The following PDCD7 variants were observed in gnomAD, a reference collection of about 807,000 sequenced individuals.
PDCD7 encodes programmed cell death 7.
Under a neutral mutation model 42.1 loss-of-function variants are expected in PDCD7, and 40 were observed. That is an observed-to-expected ratio of 0.95 (90% CI 0.74 to 1.24). The LOEUF (loss-of-function observed/expected upper bound fraction) is 1.24. PDCD7 is among the 50% of genes most tolerant of loss of function. The pLI, the probability that PDCD7 is intolerant of heterozygous loss-of-function variation, is 0.00. For synonymous variants in PDCD7, 299 were observed against 303.3 expected (o/e 0.99, Z 0.15); for missense variants, 644 against 662.8 (o/e 0.97, Z 0.31).
chr15:65,122,240 C>G lies in PDCD7; in HGVS notation c.1010-2286G>C, dbSNP rs539730671. Among the ~76,000 whole-genome samples, 223 of 152,108 alleles carry G rather than the reference C, an allele frequency of 1.5e-3. 6 individuals carry two copies. Among genetic ancestry groups the G allele is most frequent in the Admixed American group, 0.014 (219 of 15,278 alleles). ...AGTTCCAACTACTCAGGAGGCTAAG[C>G]CAGGAGAATCGCTTGAACCCAGGAG... On this transcript the variant is annotated intron_variant, in intron 2 of 4. Transcript: ENST00000204549.
At chr15:65,132,890 C>G in intron 1 of PDCD7, 22 bp downstream of exon 1, 1 of 1,600,770 alleles carries the variant, frequency 6.2e-7, no homozygotes, top group Non-Finnish European at 8.5e-7. Flanking sequence ...CTCCTACCCC[C>G]ATGAGCGGCC....
rs559070758 is a variant in PDCD7 at position 65,120,223 on chromosome 15, G to A, written c.1010-269C>T. ...GGCTGGAGTGCGGCAGCATGACCAC[G>A]ACTCACTGCAGCCTCGACCTCCTGG... On this transcript the variant is annotated intron_variant, in intron 2 of 4. Coordinates refer to ENST00000204549, the MANE Select transcript of PDCD7 (RefSeq NM_005707.2). 1.1e-4 allele frequency among the ~76,000 whole-genome samples: 16 copies of A among 151,886 alleles called. No individual in the cohort carries two copies. The East Asian group carries it at 2.7e-3, about 26-fold the overall frequency.
intron 2 of PDCD7, among the ~76,000 whole-genome samples, chr15:65,128,038 A>G (rs757767518): frequency 6.6e-6 from 1 of 152,256 alleles, no homozygotes; most frequent in Non-Finnish European, 1.5e-5. Flanking sequence ...TCACTTAGCT[A>G]GCAAACGAGC....
chr15:65,125,689 C>A (rs2087490094), intron 2 of PDCD7, among the ~76,000 whole-genome samples: 1 of 152,124 alleles, frequency 6.6e-6, no homozygotes, highest in African/African-American at 2.4e-5. Flanking sequence ...TTAATTTAAT[C>A]CTCACGACAC....
intron 1 of PDCD7, among the ~76,000 whole-genome samples, chr15:65,131,487 G>A (rs186889803): frequency 1.3e-5 from 2 of 152,266 alleles, no homozygotes; most frequent in Admixed American, 6.5e-5. Context: ...AGTGGCTCAC[G>A]CCTGTAATCC....
chr15:65,119,784 T>G lies in PDCD7; in HGVS notation c.1180A>C (p.Arg394=). Residue 394 remains arginine, a synonymous_variant, in exon 3 of 5, where the codon AGA becomes CGA. Coordinates refer to ENST00000204549, the MANE Select transcript of PDCD7 (RefSeq NM_005707.2). ...AGTAAAATTTTCTCTTTTTCTTTTC[T>G]TTGTTTCTTTTCTAATTCTCTTTTC... ...ERKRELEKKQ[R]KEKEKILLQK... is the part of the protein sequence containing the mutation. 1.2e-6 allele frequency: 2 copies of G among 1,612,440 alleles called. No individual in the cohort carries two copies. The highest frequency in any genetic ancestry group is 1.7e-4 in the Middle Eastern group (1 of 6,054).
At chr15:65,124,232 A>AC (rs1566972025) in intron 2 of PDCD7, among the ~76,000 whole-genome samples, 1 of 151,680 alleles carries the variant, frequency 6.6e-6, no homozygotes, top group Non-Finnish European at 1.5e-5. Flanking sequence ...GACCAGCCTG[A>AC]CCAACGTGGT....
Position 65,133,224 on chromosome 15 carries a change from C to G in PDCD7, c.558G>C (p.Arg186=). Residue 186 remains arginine (R), a synonymous_variant, in exon 1 of 5, where the codon CGG becomes CGC. Transcript: ENST00000204549. ...GGGCCTGGCTCAGGCCGCGCAGCCGCCGCACCAGGCGCAGAGCCCGGAGCA... is the reference window on the plus strand; with the variant it reads ...GGGCCTGGCTCAGGCCGCGCAGCCGGCGCACCAGGCGCAGAGCCCGGAGCA... ...ARLLRALRLV[R]RLRGLSQALR... 1.4e-6 allele frequency: 2 copies of G among 1,380,218 alleles called. No individual in the cohort carries two copies. Among genetic ancestry groups the G allele is most frequent in the Non-Finnish European group, 1.9e-6 (2 of 1,076,690 alleles). The allele number at this position is 1,380,218 out of a possible 1,614,324, so 85.5% of individuals were successfully genotyped here.
At position 65,133,124 on chromosome 15, in the gene PDCD7, C is replaced by A. The variant is rs765913934; in HGVS notation, c.658G>T (p.Ala220Ser). The A allele has an allele frequency of 1.3e-6, 2 of 1,541,476 alleles. No individual in the cohort carries two copies. Among genetic ancestry groups the A allele is most frequent in the South Asian group, 1.2e-5 (1 of 84,808 alleles). ...TGGGTCAACGGCTGTAGCCGCTCGG[C>A]CAGTTCCGCGCGCAGCGGCGCGGTC... ...SQTAPLRAEL[A>S]ERLQPLTQAA... Residue 220 changes from alanine (A) to serine (S), a missense_variant, in exon 1 of 5, where the codon GCC becomes TCC. Transcript: ENST00000204549.
chr15:65,129,234 G>A (rs561051300), intron 1 of PDCD7, 64 bp from the exon 2 acceptor site: 21 of 1,544,068 alleles, frequency 1.4e-5, no homozygotes, highest in Non-Finnish European at 1.8e-5. Context: ...GAGAATAGCT[G>A]CCCAGTGGTT....
chr15:65,131,337 T>C (rs2946664), intron 1 of PDCD7, among the ~76,000 whole-genome samples: 150,886 of 152,290 alleles, frequency 0.99, 74,748 homozygotes, highest in Middle Eastern at 1. Context: ...CTCAGGGCTC[T>C]CACTGTTTCC....
intron 2 of PDCD7, among the ~76,000 whole-genome samples, chr15:65,120,854 T>C (rs528032094): frequency 6.6e-6 from 1 of 152,312 alleles, no homozygotes; most frequent in East Asian, 1.9e-4. Context: ...ACACACGTTT[T>C]CTTATCCCAA....
chr15:65,133,773 C>G lies in PDCD7; in HGVS notation c.9G>C (p.Leu3=). Reference sequence around the variant, plus strand: ...GGCGACCCTGGCCGAAGAATGGTGGCAGGGCCATGTTCACGACGGAGATGC... The same window carrying G: ...GGCGACCCTGGCCGAAGAATGGTGGGAGGGCCATGTTCACGACGGAGATGC... MA[L]PPFFGQGRPG... is the part of the protein sequence containing the mutation. Residue 3 remains leucine, a synonymous_variant, in exon 1 of 5, where the codon CTG becomes CTC. Coordinates refer to ENST00000204549, the MANE Select transcript of PDCD7 (RefSeq NM_005707.2). The G allele has an allele frequency of 3.0e-6, 4 of 1,354,786 alleles. No individual in the cohort carries two copies. In the East Asian group the frequency reaches 1.2e-4, roughly 41 times the overall value. The allele number at this position is 1,354,786 out of a possible 1,614,324, so 83.9% of individuals were successfully genotyped here. A position where few individuals can be genotyped will look rare whatever the true frequency, so the allele number is the denominator to read the frequency against.
Position 65,133,124 on chromosome 15 carries a change from C to T in PDCD7, c.658G>A (p.Ala220Thr), listed in dbSNP as rs765913934. The T allele has an allele frequency of 1.0e-5, 16 of 1,541,476 alleles. No individual in the cohort carries two copies. The highest frequency in any genetic ancestry group is 1.9e-5 in the Admixed American group (1 of 51,874). ...SQTAPLRAEL[A>T]ERLQPLTQAA... is the part of the protein sequence containing the mutation. Reference sequence around the variant, plus strand: ...TGGGTCAACGGCTGTAGCCGCTCGGCCAGTTCCGCGCGCAGCGGCGCGGTC... The same window carrying T: ...TGGGTCAACGGCTGTAGCCGCTCGGTCAGTTCCGCGCGCAGCGGCGCGGTC... Residue 220 changes from alanine to threonine, a missense_variant, in exon 1 of 5, where the codon GCC (alanine) becomes ACC (threonine). Coordinates refer to ENST00000204549, the MANE Select transcript of PDCD7 (RefSeq NM_005707.2).
intron 2 of PDCD7, among the ~76,000 whole-genome samples, chr15:65,121,421 T>C (rs2087454137): frequency 6.6e-6 from 1 of 152,222 alleles, no homozygotes; most frequent in African/African-American, 2.4e-5. Context: ...AGGGAGGAAC[T>C]TGTCTTAACT....
At chr15:65,132,769 G>T in intron 1 of PDCD7, 143 bp downstream of exon 1, 1 of 1,219,318 alleles carries the variant, frequency 8.2e-7, no homozygotes, top group Non-Finnish European at 1.1e-6. Context: ...TAACATGGTG[G>T]TATGAGCTGG....
At chr15:65,131,949 C>T (rs1179047999) in intron 1 of PDCD7, among the ~76,000 whole-genome samples, 5 of 151,878 alleles carry the variant, frequency 3.3e-5, no homozygotes, top group African/African-American at 7.3e-5. Context: ...GTAAAATTAG[C>T]ATAATACTTC....
rs761921567 is a variant in PDCD7 at position 65,129,141 on chromosome 15, G to A, written c.900C>T (p.Gly300=). 24 of 1,613,732 alleles carry A rather than the reference G, an allele frequency of 1.5e-5. No individual in the cohort carries two copies. The highest frequency in any genetic ancestry group is 4.5e-5 in the East Asian group (2 of 44,892). ...GTTTTTTCCTCACTTCAGATAGTACGCCATCAGCGGCTGCTTTGAGTTCCT... is the reference window on the plus strand; with the variant it reads ...GTTTTTTCCTCACTTCAGATAGTACACCATCAGCGGCTGCTTTGAGTTCCT... The part of the protein sequence containing the change: ...REQELKAAAD[G]VLSEVRKKQA... Residue 300 remains glycine (G), a synonymous_variant, in exon 2 of 5, where the codon GGC becomes GGT. Transcript: ENST00000204549.
Position 65,119,411 on chromosome 15 carries a change from T to C in PDCD7, c.1299A>G (p.Gln433=), listed in dbSNP as rs2087433625. 1 of 1,614,074 alleles carries C rather than the reference T, an allele frequency of 6.2e-7. No individual in the cohort carries two copies. Among genetic ancestry groups the C allele is most frequent in the Non-Finnish European group, 8.5e-7 (1 of 1,179,950 alleles). ...LLEPFRQYYL[Q]AEHSLPALIQ... ...TGAGCGCTGGCAGGGAGTGCTCGGC[T>C]TGGAGATAATACTGTCGGAAAGGCT... is the stretch of plus-strand genomic sequence containing the variant. The change falls in exon 4 of 5, where the codon CAA becomes CAG. Residue 433 remains glutamine (Q), a synonymous_variant. Transcript: ENST00000204549.
Sources: gnomAD v4.1 joint callset for allele counts (sites outside exome capture counted in the v4.1 genomes callset) on GRCh38, gnomAD v4.1.1 for gene constraint, MANE v1.5 for transcripts, NCBI Gene and HGNC (gene_info 2026-07-23, HGNC 2026-07-21) for gene names.